Variants in CRACD observed in about 807,000 individuals in gnomAD.
CRACD encodes the protein capping protein inhibiting regulator of actin dynamics, also known as capping protein-inhibiting regulator of actin dynamics.
A neutral mutation model predicts 106.8 loss-of-function variants in CRACD; 56 were observed. That is an observed-to-expected ratio of 0.52 (90% CI 0.42 to 0.66). The LOEUF (loss-of-function observed/expected upper bound fraction) is 0.66, where lower values mean the gene tolerates loss of function less well. Ranked by LOEUF, CRACD falls within the 30% of genes least tolerant of loss-of-function variation. The pLI is 0.00. For synonymous variants in CRACD, 754 were observed against 670.8 expected, an observed-to-expected ratio of 1.12 and a Z score of -1.92; for missense variants, 1,730 against 1,623.2, an observed-to-expected ratio of 1.07 and a Z score of -1.13.
intron 2 of CRACD, among the ~76,000 whole-genome samples, chr4:56,228,823 T>C (rs1739457143): frequency 6.6e-6 from 1 of 152,100 alleles, no homozygotes; most frequent in South Asian, 2.1e-4. Context: ...GTGAAAAGTA[T>C]ATTGTGATAG....
chr4:56,065,889 C>T (rs1732450057), intron 1 of CRACD, among the ~76,000 whole-genome samples: 1 of 152,164 alleles, frequency 6.6e-6, no homozygotes, highest in Non-Finnish European at 1.5e-5. Flanking sequence ...CTTTCTGTGT[C>T]TATGAATTTG....
At chr4:56,295,574 C>T (rs1362985562) in intron 3 of CRACD, among the ~76,000 whole-genome samples, 8 of 150,704 alleles carry the variant, frequency 5.3e-5, no homozygotes, top group Admixed American at 1.3e-4. Context: ...GACTTCATGA[C>T]GCAGTCAAGG....
intron 3 of CRACD, among the ~76,000 whole-genome samples, chr4:56,290,226 CTTTGAAGGA>C (rs1206493165): frequency 6.6e-6 from 1 of 152,124 alleles, no homozygotes; most frequent in African/African-American, 2.4e-5. Context: ...TTTACATTGT[CTTTGAAGGA>C]TTTCTGAAAG....
rs376815612 is a variant in CRACD, at chr4:56,145,021, C to T, written c.-335-34263C>T. Among the ~76,000 whole-genome samples, 105 of 152,290 alleles carry T rather than the reference C, an allele frequency of 6.9e-4. 1 individual carries two copies. The Middle Eastern group carries it at 0.01, about 15-fold the overall frequency. Reference sequence around the variant, plus strand: ...CAGGCTGGTCCTGAACTCTTGACTTCAAGTTATCCCCCCGCCCCAGCCTCC... The same window carrying T: ...CAGGCTGGTCCTGAACTCTTGACTTTAAGTTATCCCCCCGCCCCAGCCTCC... On this transcript the variant is annotated intron_variant, in intron 1 of 10. Coordinates refer to ENST00000682029, the MANE Select transcript of CRACD (RefSeq NM_001393381.1).
At chr4:56,303,401 A>G (rs1026513269) in intron 4 of CRACD, among the ~76,000 whole-genome samples, 1 of 150,902 alleles carries the variant, frequency 6.6e-6, no homozygotes, top group Non-Finnish European at 1.5e-5. Flanking sequence ...TTTTTTAAAG[A>G]TGGGAGGAGT....
chr4:56,158,803 A>G (rs1053601366), intron 1 of CRACD, among the ~76,000 whole-genome samples: 1 of 152,238 alleles, frequency 6.6e-6, no homozygotes, highest in East Asian at 1.9e-4. Context: ...TATTGATGAA[A>G]GGTAGAGAAC....
chr4:56,152,948 G>C (rs1287071036), intron 1 of CRACD, among the ~76,000 whole-genome samples: 1 of 152,088 alleles, frequency 6.6e-6, no homozygotes, highest in Non-Finnish European at 1.5e-5. Context: ...ACTTCCAGTT[G>C]GATATCTTAT....
Position 56,316,014 on chromosome 4 carries a change from G to A in CRACD, c.2512G>A (p.Gly838Arg). Residue 838 changes from glycine to arginine, a missense_variant, in exon 8 of 11, where the codon GGA becomes AGA. Coordinates refer to ENST00000682029, the MANE Select transcript of CRACD (RefSeq NM_001393381.1). ...AAAGCCAGACCCTGTGATGCCAGGT[G>A]GAGAGGAAAAAGCCTCACCGTTTGG... is the stretch of plus-strand genomic sequence containing the variant. ...IAKPDPVMPG[G>R]EEKASPFGIK... 1 of 1,614,222 alleles carries A rather than the reference G, an allele frequency of 6.2e-7. No individual in the cohort carries two copies. The highest frequency in any genetic ancestry group is 8.5e-7 in the Non-Finnish European group (1 of 1,180,028).
At chr4:56,257,299 C>T (rs1439969426) in intron 2 of CRACD, among the ~76,000 whole-genome samples, 1 of 152,002 alleles carries the variant, frequency 6.6e-6, no homozygotes, top group African/African-American at 2.4e-5. Context: ...CCAGGCTGGT[C>T]TCAAATTCCT....
intron 2 of CRACD, among the ~76,000 whole-genome samples, chr4:56,207,014 C>A (rs1738153660): frequency 6.6e-6 from 1 of 152,152 alleles, no homozygotes; most frequent in Non-Finnish European, 1.5e-5. Context: ...GAGGATAATA[C>A]CACGAGTTTG....
At chr4:56,182,627 G>A (rs921310471) in intron 2 of CRACD, among the ~76,000 whole-genome samples, 6 of 152,154 alleles carry the variant, frequency 3.9e-5, no homozygotes, top group Middle Eastern at 3.4e-3. Context: ...CACATACGAC[G>A]TTGCAGTCCC....
intron 1 of CRACD, among the ~76,000 whole-genome samples, chr4:56,102,947 A>G (rs201813885): frequency 5.9e-5 from 9 of 152,288 alleles, no homozygotes; most frequent in Non-Finnish European, 8.8e-5. Flanking sequence ...CTTTGTGCTC[A>G]TAAAGCCTTA....
At chr4:56,206,315 G>C (rs1024842240) in intron 2 of CRACD, among the ~76,000 whole-genome samples, 1 of 152,168 alleles carries the variant, frequency 6.6e-6, no homozygotes. Flanking sequence ...TCACTCATGT[G>C]GTCCAAAATG....
At chr4:56,055,025 T>G (rs1732007124) in intron 1 of CRACD, among the ~76,000 whole-genome samples, 1 of 152,168 alleles carries the variant, frequency 6.6e-6, no homozygotes. Flanking sequence ...CCTGAAACAC[T>G]TTAAAAAATA....
chr4:56,163,443 A>G (rs1306868021), intron 1 of CRACD, among the ~76,000 whole-genome samples: 1 of 152,190 alleles, frequency 6.6e-6, no homozygotes, highest in Non-Finnish European at 1.5e-5. Flanking sequence ...TCCTTTAACA[A>G]TCTCAAAGGA....
chr4:56,184,726 C>T (rs1737011220), intron 2 of CRACD, among the ~76,000 whole-genome samples: 1 of 152,196 alleles, frequency 6.6e-6, no homozygotes, highest in African/African-American at 2.4e-5. Context: ...CGGCTTTTCA[C>T]AGGAAAGCCC....
At chr4:56,280,474 T>C (rs995242876) in intron 3 of CRACD, among the ~76,000 whole-genome samples, 22 of 152,200 alleles carry the variant, frequency 1.4e-4, no homozygotes, top group African/African-American at 3.4e-4. Context: ...CAAGCTTTCT[T>C]TGATTCCCTC....
At chr4:56,192,010 C>G (rs1300502617) in intron 2 of CRACD, among the ~76,000 whole-genome samples, 5 of 152,116 alleles carry the variant, frequency 3.3e-5, no homozygotes, top group Non-Finnish European at 5.9e-5. Context: ...AAAATCAAGA[C>G]CTTTTAAACT....
At chr4:56,310,487 G>A (rs1019479175) in intron 5 of CRACD, among the ~76,000 whole-genome samples, 179 bp from the exon 6 acceptor site, 2 of 152,218 alleles carry the variant, frequency 1.3e-5, no homozygotes, top group African/African-American at 2.4e-5. Context: ...GTCTCAGGTA[G>A]TGCTGGTGGA....
Sources: gnomAD v4.1 joint callset for allele counts (sites outside exome capture counted in the v4.1 genomes callset) on GRCh38, gnomAD v4.1.1 for gene constraint, MANE v1.5 for transcripts, NCBI Gene and HGNC (gene_info 2026-07-23, HGNC 2026-07-21) for gene names.